Variants in ENOSF1 observed in about 807,000 individuals in gnomAD.
ENOSF1 encodes mitochondrial enolase superfamily member 1.
A neutral mutation model predicts 68.2 loss-of-function variants in ENOSF1; 73 were observed. That is an observed-to-expected ratio of 1.07 (90% confidence interval 0.89 to 1.30). The LOEUF is 1.30. ENOSF1 is among the 50% of genes most tolerant of loss of function. The probability of loss-of-function intolerance (pLI) is 0.00; values close to 1 mark genes in which losing one functional copy is unlikely to be tolerated. For missense variants in ENOSF1, 589 were observed against 554.5 expected, an observed-to-expected ratio of 1.06 and a Z score of -0.62; for synonymous variants, 223 against 210.4, an observed-to-expected ratio of 1.06 and a Z score of -0.52.
chr18:703,070 G>A (rs1037508593), intron 2 of ENOSF1, among the ~76,000 whole-genome samples: 3 of 152,160 alleles, frequency 2.0e-5, no homozygotes, highest in Non-Finnish European at 4.4e-5. Context: ...TATGTAGCAA[G>A]GTTAAAGTTA....
At chr18:706,008 CA>C (rs2078889507) in intron 2 of ENOSF1, among the ~76,000 whole-genome samples, 1 of 151,654 alleles carries the variant, frequency 6.6e-6, no homozygotes, top group African/African-American at 2.4e-5. Flanking sequence ...GACTCTGTCT[CA>C]AAAATATATA....
chr18:683,001 C>T (rs111735573), intron 11 of ENOSF1: 1 of 464,612 alleles, frequency 2.2e-6, no homozygotes, highest in East Asian at 3.6e-5. Context: ...TTGCTGGTAG[C>T]CCTTCAACTT....
At position 683,388 on chromosome 18, in the gene ENOSF1, A is replaced by G; in HGVS notation, c.742-8T>C. On this transcript the variant is annotated splice_region_variant and splice_polypyrimidine_tract_variant and intron_variant, in intron 10 of 15. Transcript: ENST00000647584. ...CTGGTTGGCATCCATCATCTGCAAA[A>G]AGAGACTCTTCACAGGGAGGTCAGC... 1 of 1,613,982 alleles carries G rather than the reference A, an allele frequency of 6.2e-7. No homozygotes were observed. Among genetic ancestry groups the G allele is most frequent in the African/African-American group, 1.3e-5 (1 of 75,012 alleles).
chr18:690,737 G>T, intron 7 of ENOSF1, 106 bp from the exon 8 acceptor site: 1 of 1,205,378 alleles, frequency 8.3e-7, no homozygotes, highest in East Asian at 6.7e-5. Context: ...CTGTTCTCCT[G>T]ATCCGGCCCT....
At chr18:691,427 C>T (rs1323155297) in intron 5 of ENOSF1, 151 bp from the exon 6 acceptor site, 8 of 629,790 alleles carry the variant, frequency 1.3e-5, no homozygotes, top group Non-Finnish European at 1.9e-5. Flanking sequence ...CTCACTGCAG[C>T]CTCAGTCTCC....
chr18:706,157 C>CCGGGTGAAAGG (rs2078911026), intron 2 of ENOSF1, among the ~76,000 whole-genome samples: 1 of 152,004 alleles, frequency 6.6e-6, no homozygotes, highest in African/African-American at 2.4e-5. Context: ...GACAGTGGCC[C>CCGGGTGAAAGG]CGGGTGAAAG....
downstream of ENOSF1, among the ~76,000 whole-genome samples, chr18:666,921 AGATGGTGATGGT>A (rs1269844514): frequency 2.8e-3 from 94 of 33,494 alleles, 16 homozygotes; most frequent in African/African-American, 7.0e-3. Context: ...ATGGTGATGG[AGATGGTGATGGT>A]GATGGAGATG....
At chr18:701,198 T>A (rs940897539) in intron 2 of ENOSF1, among the ~76,000 whole-genome samples, 6 of 152,134 alleles carry the variant, frequency 3.9e-5, no homozygotes, top group Admixed American at 3.9e-4. Context: ...TTCTATTTTT[T>A]AAAAAACTAA....
chr18:697,179 A>T, intron 3 of ENOSF1, 61 bp downstream of exon 3: 1 of 1,105,468 alleles, frequency 9.0e-7, no homozygotes, highest in South Asian at 1.2e-5. Flanking sequence ...TTGCACTCAA[A>T]GGACATCTCA....
intron 3 of ENOSF1, among the ~76,000 whole-genome samples, chr18:694,984 G>A (rs2077575865): frequency 6.6e-6 from 1 of 152,102 alleles, no homozygotes; most frequent in Non-Finnish European, 1.5e-5. Context: ...CATAACCGTA[G>A]TACAATAATC....
Position 670,497 on chromosome 18 carries a change from T to C in ENOSF1, c.*3808A>G. The stretch of plus-strand genomic sequence containing the variant: ...CGTAAATGGACACCTGCAGAAACCT[T>C]GCACCGATGGATAGTCTCCCTCAGC... On this transcript the variant is annotated 3_prime_UTR_variant, in exon 16 of 16. Transcript: ENST00000647584. The C allele has an allele frequency of 1.7e-6, 1 of 588,326 alleles. No individual in the cohort carries two copies. Among genetic ancestry groups the C allele is most frequent in the Non-Finnish European group, 3.0e-6 (1 of 334,420 alleles). The allele number at this position is 588,326 out of a possible 1,614,324, so 36.4% of individuals were successfully genotyped here.
At chr18:682,950 G>T in intron 11 of ENOSF1, 3 of 281,710 alleles carry the variant, frequency 1.1e-5, no homozygotes, top group East Asian at 6.9e-5. Context: ...TCACATTTCT[G>T]TATTTACAAA....
At chr18:704,747 A>G (rs1184030449) in intron 2 of ENOSF1, among the ~76,000 whole-genome samples, 1 of 151,898 alleles carries the variant, frequency 6.6e-6, no homozygotes, top group East Asian at 1.9e-4. Flanking sequence ...CTGAGATTAC[A>G]GCCATGCATC....
chr18:670,616 C>G lies in ENOSF1; in HGVS notation c.*3689G>C. 1 of 1,526,784 alleles carries G rather than the reference C, an allele frequency of 6.5e-7. No homozygotes were observed. The highest frequency in any genetic ancestry group is 1.8e-5 in the Admixed American group (1 of 55,836). 94.6% of individuals were successfully genotyped at this position (1,526,784 alleles called of 1,614,324 possible). A position where few individuals can be genotyped will look rare whatever the true frequency, so the allele number is the denominator to read the frequency against. On this transcript the variant is annotated 3_prime_UTR_variant, in exon 16 of 16. Coordinates refer to ENST00000647584, the MANE Select transcript of ENOSF1 (RefSeq NM_017512.7). ...ACCATATGAGTTGGCTTCTGTTTCT[C>G]TCCTGTTTTACTTTGCCTTTAGCTG...
chr18:696,525 A>T (rs2077754742), intron 3 of ENOSF1, among the ~76,000 whole-genome samples: 1 of 151,852 alleles, frequency 6.6e-6, no homozygotes, highest in African/African-American at 2.4e-5. Flanking sequence ...CTTCTCTTAC[A>T]TCTCTAACAC....
chr18:696,672 C>G (rs1317490358), intron 3 of ENOSF1, among the ~76,000 whole-genome samples: 2 of 152,066 alleles, frequency 1.3e-5, no homozygotes, highest in African/African-American at 4.8e-5. Flanking sequence ...GACCTCATCT[C>G]CTTAGTAGAA....
chr18:677,267 T>G, intron 14 of ENOSF1, 78 bp downstream of exon 14: 1 of 1,218,386 alleles, frequency 8.2e-7, no homozygotes, highest in South Asian at 1.3e-5. Flanking sequence ...GTTCTGGTCA[T>G]GAAGGCAGAA....
At chr18:704,224 A>C (rs1344090590) in intron 2 of ENOSF1, among the ~76,000 whole-genome samples, 1 of 152,058 alleles carries the variant, frequency 6.6e-6, no homozygotes, top group Non-Finnish European at 1.5e-5. Flanking sequence ...ATTTGAAGTC[A>C]GGAGACCGGC....
chr18:683,105 G>T, intron 11 of ENOSF1, 141 bp downstream of exon 11: 1 of 999,418 alleles, frequency 1.0e-6, no homozygotes, highest in Non-Finnish European at 1.5e-6. Flanking sequence ...CCCTGTATTT[G>T]TCACACATTA....
Sources: gnomAD v4.1 joint callset for allele counts (sites outside exome capture counted in the v4.1 genomes callset) on GRCh38, gnomAD v4.1.1 for gene constraint, MANE v1.5 for transcripts, NCBI Gene and HGNC (gene_info 2026-07-23, HGNC 2026-07-21) for gene names.